INPP4B: variants seen among roughly 807,000 people sequenced by gnomAD.
The protein encoded by INPP4B is inositol polyphosphate 4-phosphatase type II.
INPP4B carries 55 observed loss-of-function variants against 122.5 expected under a neutral mutation model. The ratio of observed to expected loss-of-function variants is 0.45; its 90% CI spans 0.36 to 0.56. The LOEUF (loss-of-function observed/expected upper bound fraction) is 0.56, where lower values mean the gene tolerates loss of function less well. Ranked by LOEUF, INPP4B falls within the 20% of genes least tolerant of loss-of-function variation. The pLI is 0.00. For missense variants in INPP4B, 1,000 were observed against 1,097.7 expected (o/e 0.91, Z 1.26); for synonymous variants, 403 against 388.7 (o/e 1.04, Z -0.43).
At chr4:142,783,819 G>A (rs1386857122) in intron 1 of INPP4B, among the ~76,000 whole-genome samples, 1 of 152,018 alleles carries the variant, frequency 6.6e-6, no homozygotes, top group Non-Finnish European at 1.5e-5. Context: ...AGCACCTAAT[G>A]TACTAGATTC....
At chr4:142,242,425 T>C (rs191865290) in intron 11 of INPP4B, among the ~76,000 whole-genome samples, 186 of 152,338 alleles carry the variant, frequency 1.2e-3, no homozygotes, top group African/African-American at 4.4e-3. Context: ...TGTCTGCAGT[T>C]GGTGACAATT....
At chr4:142,169,755 C>G (rs1376118841) in intron 16 of INPP4B, among the ~76,000 whole-genome samples, 1 of 151,596 alleles carries the variant, frequency 6.6e-6, no homozygotes, top group East Asian at 1.9e-4. Flanking sequence ...ATAAAACACC[C>G]CATTCTTTTA....
chr4:142,298,035 G>T (rs1331736368), intron 9 of INPP4B, among the ~76,000 whole-genome samples: 6 of 152,092 alleles, frequency 3.9e-5, no homozygotes, highest in Admixed American at 3.9e-4. Context: ...ACTAAGCTCG[G>T]ACTTGCACCC....
chr4:142,424,435 T>C (rs1410291069), intron 5 of INPP4B, among the ~76,000 whole-genome samples: 1 of 152,054 alleles, frequency 6.6e-6, no homozygotes. Context: ...CCTTACAAGA[T>C]ATAGAAGAGC....
At chr4:142,652,296 T>C (rs1237616177) in intron 2 of INPP4B, among the ~76,000 whole-genome samples, 1 of 152,176 alleles carries the variant, frequency 6.6e-6, no homozygotes, top group Non-Finnish European at 1.5e-5. Context: ...AAGCATTCCC[T>C]TTGAAAACCA....
At chr4:142,166,455 A>T (rs1579140462) in intron 16 of INPP4B, among the ~76,000 whole-genome samples, 1 of 151,942 alleles carries the variant, frequency 6.6e-6, no homozygotes, top group Admixed American at 6.6e-5. Context: ...AAATCTAAGC[A>T]ATACCATTCA....
chr4:142,448,046 T>C (rs1358436263), intron 3 of INPP4B, among the ~76,000 whole-genome samples: 1 of 152,164 alleles, frequency 6.6e-6, no homozygotes, highest in Non-Finnish European at 1.5e-5. Flanking sequence ...ACTAAGTCCA[T>C]AGCAAAACAG....
At chr4:142,231,720 G>A (rs1288386269) in intron 12 of INPP4B, among the ~76,000 whole-genome samples, 4 of 152,044 alleles carry the variant, frequency 2.6e-5, no homozygotes, top group African/African-American at 7.2e-5. Context: ...AGTAGAGACC[G>A]TTATGTAAGA....
intron 2 of INPP4B, among the ~76,000 whole-genome samples, chr4:142,674,009 G>A (rs1757367274): frequency 6.6e-6 from 1 of 151,976 alleles, no homozygotes; most frequent in Non-Finnish European, 1.5e-5. Flanking sequence ...GATGGCAGAT[G>A]GGAGCTGCCT....
At chr4:142,750,834 T>C (rs1291561723) in intron 1 of INPP4B, among the ~76,000 whole-genome samples, 3 of 152,058 alleles carry the variant, frequency 2.0e-5, no homozygotes, top group Non-Finnish European at 4.4e-5. Context: ...TTTAAACAAT[T>C]CCTGAGGAGG....
At chr4:142,380,585 T>G (rs1286486866) in intron 7 of INPP4B, among the ~76,000 whole-genome samples, 2 of 152,190 alleles carry the variant, frequency 1.3e-5, no homozygotes, top group East Asian at 3.9e-4. Context: ...TCTTTTTAAA[T>G]GATATTTATT....
chr4:142,286,148 T>C (rs1395831745), intron 9 of INPP4B, among the ~76,000 whole-genome samples: 3 of 152,198 alleles, frequency 2.0e-5, no homozygotes. Flanking sequence ...CCGCTTTAAT[T>C]CATGTTAAAT....
intron 1 of INPP4B, among the ~76,000 whole-genome samples, chr4:142,758,674 C>T (rs1252160796): frequency 1.3e-5 from 2 of 152,044 alleles, no homozygotes; most frequent in African/African-American, 2.4e-5. Context: ...TTGTTAAGGC[C>T]GGGCACAATG....
At chr4:142,153,548 A>G (rs545166260) in intron 17 of INPP4B, among the ~76,000 whole-genome samples, 6 of 152,350 alleles carry the variant, frequency 3.9e-5, no homozygotes, top group Non-Finnish European at 7.4e-5. Flanking sequence ...ATAAATGTCT[A>G]GAAAATATCC....
At chr4:142,126,351 T>C (rs1369011652) in intron 18 of INPP4B, among the ~76,000 whole-genome samples, 1 of 152,050 alleles carries the variant, frequency 6.6e-6, no homozygotes, top group African/African-American at 2.4e-5. Flanking sequence ...TGACAGAGAA[T>C]AATAAAAAGA....
At chr4:142,641,235 A>T (rs1262758427) in intron 2 of INPP4B, among the ~76,000 whole-genome samples, 1 of 152,054 alleles carries the variant, frequency 6.6e-6, no homozygotes, top group East Asian at 1.9e-4. Context: ...ATACAAGAAA[A>T]TGCTATACAG....
chr4:142,513,278 T>A (rs1333422979), intron 2 of INPP4B, among the ~76,000 whole-genome samples: 1 of 152,166 alleles, frequency 6.6e-6, no homozygotes, highest in Non-Finnish European at 1.5e-5. Flanking sequence ...CAAATTTACT[T>A]CTCACAGTTC....
intron 2 of INPP4B, among the ~76,000 whole-genome samples, chr4:142,552,646 C>G (rs1331779374): frequency 6.6e-6 from 1 of 152,118 alleles, no homozygotes; most frequent in Non-Finnish European, 1.5e-5. Context: ...CAACATTGAT[C>G]TCTGAGAATA....
chr4:142,261,707 T>A (rs949087759), intron 10 of INPP4B, among the ~76,000 whole-genome samples: 1 of 152,128 alleles, frequency 6.6e-6, no homozygotes, highest in Non-Finnish European at 1.5e-5. Flanking sequence ...TCATGTACAC[T>A]GAGGTCACTT....
Sources: allele counts gnomAD v4.1 joint callset (sites outside exome capture counted in the v4.1 genomes callset), GRCh38; gene constraint gnomAD v4.1.1; transcripts MANE v1.5; gene names NCBI Gene and HGNC (gene_info 2026-07-23, HGNC 2026-07-21).